Variants in ADK observed in about 807,000 individuals in gnomAD.
ADK encodes the protein adenosine kinase.
In ADK, 24 loss-of-function variants were observed where a neutral mutation model predicts 44.7. That is an observed-to-expected ratio of 0.54 (90% CI 0.39 to 0.76). ADK has a LOEUF of 0.76. Ranked by LOEUF, ADK falls within the 30% of genes least tolerant of loss-of-function variation. The pLI, the probability that ADK is intolerant of heterozygous loss-of-function variation, is 0.00. For synonymous variants in ADK, 128 were observed against 142.6 expected (o/e 0.90, Z 0.73); for missense variants, 321 against 425.1 (o/e 0.76, Z 2.15).
chr10:74,399,124 A>C (rs933006814), intron 6 of ADK, among the ~76,000 whole-genome samples: 1 of 151,908 alleles, frequency 6.6e-6, no homozygotes, highest in African/African-American at 2.4e-5. Context: ...TCTGACACAA[A>C]AATAATTGGT....
chr10:74,386,488 G>T (rs1242213395), intron 4 of ADK, among the ~76,000 whole-genome samples: 1 of 152,078 alleles, frequency 6.6e-6, no homozygotes. Context: ...TCCATATGTT[G>T]TTAAAGACTC....
At chr10:74,696,515 G>A (rs1191351464) in intron 10 of ADK, among the ~76,000 whole-genome samples, 1 of 150,640 alleles carries the variant, frequency 6.6e-6, no homozygotes, top group East Asian at 2.0e-4. Context: ...ACAGGCACCC[G>A]CCACCACCCC....
At chr10:74,496,549 C>T (rs942723060) in intron 6 of ADK, among the ~76,000 whole-genome samples, 7 of 152,192 alleles carry the variant, frequency 4.6e-5, no homozygotes, top group African/African-American at 1.7e-4. Flanking sequence ...GTTGATTAAA[C>T]TTCTTTTCTT....
rs192855003 is a variant in ADK at position 74,703,380 on chromosome 10, G to A, written c.965-4941G>A. Reference sequence around the variant, plus strand: ...ACCTGTGGTCCCAGCTACCCGGGAGGCAGAGGTAGGAGAATCACCTGAGCC... The same window carrying A: ...ACCTGTGGTCCCAGCTACCCGGGAGACAGAGGTAGGAGAATCACCTGAGCC... On this transcript the variant is annotated intron_variant, in intron 10 of 10. Transcript: ENST00000539909. Among the ~76,000 whole-genome samples, 515 of 152,064 alleles carry A rather than the reference G, an allele frequency of 3.4e-3. 2 individuals are homozygous for A. Among genetic ancestry groups the A allele is most frequent in the African/African-American group, 0.012 (482 of 41,450 alleles).
rs1274162243 is a variant in ADK, at chr10:74,277,819, TGA to T, written c.195-36847_195-36846del. Among the ~76,000 whole-genome samples, 265 of 152,344 alleles carry T rather than the reference TGA, an allele frequency of 1.7e-3. 1 individual carries two copies. The highest frequency in any genetic ancestry group is 5.4e-3 in the African/African-American group (224 of 41,572). ...TTGTGGTCAGAGAATAAGTTCCATG[TGA>T]TATCTATGCTTAGAAATTTTTTAGA... On this transcript the variant is annotated intron_variant, in intron 3 of 10. Coordinates refer to ENST00000539909, the MANE Select transcript of ADK (RefSeq NM_006721.4).
At chr10:74,372,997 T>C (rs370918607) in intron 4 of ADK, among the ~76,000 whole-genome samples, 1 of 152,160 alleles carries the variant, frequency 6.6e-6, no homozygotes, top group South Asian at 2.1e-4. Context: ...TATCTATTAA[T>C]GGTATAGAAT....
intron 2 of ADK, among the ~76,000 whole-genome samples, chr10:74,205,017 G>T (rs1330478673): frequency 7.5e-6 from 1 of 133,130 alleles, no homozygotes; most frequent in Non-Finnish European, 1.5e-5. Flanking sequence ...TCCAACCTGG[G>T]TGACAGAGTT....
intron 6 of ADK, among the ~76,000 whole-genome samples, chr10:74,417,375 A>G (rs1219107612): frequency 1.3e-5 from 2 of 152,104 alleles, no homozygotes; most frequent in African/African-American, 4.8e-5. Flanking sequence ...TTTTTATTTC[A>G]GTCTGTCAGG....
At chr10:74,547,874 T>C (rs1296061560) in intron 7 of ADK, among the ~76,000 whole-genome samples, 3 of 151,900 alleles carry the variant, frequency 2.0e-5, no homozygotes, top group Non-Finnish European at 4.4e-5. Flanking sequence ...GTCAGGCTGG[T>C]CTTGAACTCC....
intron 3 of ADK, among the ~76,000 whole-genome samples, chr10:74,285,893 A>G (rs778234416): frequency 6.6e-6 from 1 of 152,064 alleles, no homozygotes; most frequent in African/African-American, 2.4e-5. Flanking sequence ...TATTTTTTTA[A>G]TTTACTGTAC....
At chr10:74,687,058 A>C (rs1388353479) in intron 10 of ADK, among the ~76,000 whole-genome samples, 1 of 152,226 alleles carries the variant, frequency 6.6e-6, no homozygotes, top group Non-Finnish European at 1.5e-5. Flanking sequence ...GTTATTATGA[A>C]AGTTAAATGA....
chr10:74,173,150 T>TG (rs1842216292), intron 1 of ADK, among the ~76,000 whole-genome samples: 1 of 151,560 alleles, frequency 6.6e-6, no homozygotes, highest in Non-Finnish European at 1.5e-5. Context: ...TGGAGTGCAG[T>TG]GGCATGATCT....
At chr10:74,541,456 T>C (rs537235036) in intron 7 of ADK, among the ~76,000 whole-genome samples, 4 of 152,352 alleles carry the variant, frequency 2.6e-5, no homozygotes, top group African/African-American at 9.6e-5. Flanking sequence ...ATTTCCTTCG[T>C]CTCTTTAATC....
At chr10:74,603,263 T>G (rs940493387) in intron 9 of ADK, among the ~76,000 whole-genome samples, 1 of 152,162 alleles carries the variant, frequency 6.6e-6, no homozygotes, top group African/African-American at 2.4e-5. Context: ...TAAACCTATT[T>G]TTTTTTAATG....
At chr10:74,488,630 A>G (rs865943748) in intron 6 of ADK, among the ~76,000 whole-genome samples, 3 of 150,018 alleles carry the variant, frequency 2.0e-5, no homozygotes, top group Admixed American at 6.7e-5. Flanking sequence ...AGATAGCAGG[A>G]TTAAAGAAAA....
chr10:74,386,507 A>G (rs1381449504), intron 4 of ADK, among the ~76,000 whole-genome samples: 1 of 152,196 alleles, frequency 6.6e-6, no homozygotes, highest in Non-Finnish European at 1.5e-5. Flanking sequence ...TCTTGTTATG[A>G]AGTTTAATAT....
chr10:74,407,780 A>G (rs1244851460), intron 6 of ADK, among the ~76,000 whole-genome samples: 1 of 152,184 alleles, frequency 6.6e-6, no homozygotes, highest in African/African-American at 2.4e-5. Flanking sequence ...GAGTAATTGT[A>G]GCGCTTACCT....
intron 10 of ADK, among the ~76,000 whole-genome samples, chr10:74,680,795 C>T (rs1485878411): frequency 6.6e-6 from 1 of 152,222 alleles, no homozygotes; most frequent in Non-Finnish European, 1.5e-5. Context: ...TTAACAGCTA[C>T]TCTCTCTTCA....
chr10:74,469,073 C>T (rs557417350), intron 6 of ADK, among the ~76,000 whole-genome samples: 14 of 152,076 alleles, frequency 9.2e-5, no homozygotes, highest in South Asian at 2.1e-4. Context: ...CATGGTGGCT[C>T]ACACCTGTAA....
Sources: allele counts gnomAD v4.1 joint callset (sites outside exome capture counted in the v4.1 genomes callset), GRCh38; gene constraint gnomAD v4.1.1; transcripts MANE v1.5; gene names NCBI Gene and HGNC (gene_info 2026-07-23, HGNC 2026-07-21).